The following ABCC1 variants were observed in gnomAD, a reference collection of about 807,000 sequenced individuals.
ABCC1 encodes multidrug resistance-associated protein 1.
ABCC1 carries 83 observed loss-of-function variants against 172.9 expected under a neutral mutation model. The ratio of observed to expected loss-of-function variants is 0.48; its 90% confidence interval spans 0.40 to 0.58. The LOEUF (loss-of-function observed/expected upper bound fraction) is 0.58. Ranked by LOEUF, ABCC1 falls within the 20% of genes least tolerant of loss-of-function variation. ABCC1 has a pLI of 0.00. For synonymous variants in ABCC1, 937 were observed against 825.2 expected (o/e 1.14, Z -2.32); for missense variants, 1,817 against 2,002.7 (o/e 0.91, Z 1.77).
chr16:16,133,080 A>G (rs1394480589), intron 27 of ABCC1, among the ~76,000 whole-genome samples: 2 of 151,940 alleles, frequency 1.3e-5, no homozygotes, highest in African/African-American at 4.8e-5. Context: ...TTCTAGGGGG[A>G]TGGCTCAAGG....
chr16:16,063,093 TTATTTATA>T (rs1385436823), intron 12 of ABCC1, among the ~76,000 whole-genome samples: 1 of 152,138 alleles, frequency 6.6e-6, no homozygotes, highest in African/African-American at 2.4e-5. Context: ...GTCATTTTAT[TTATTTATA>T]TATTTATACA....
intron 5 of ABCC1, among the ~76,000 whole-genome samples, chr16:16,022,324 C>A (rs149204797): frequency 0.013 from 2,047 of 152,222 alleles, 20 homozygotes; most frequent in Non-Finnish European, 0.021. Context: ...CCTTCTGGCT[C>A]TGGGGCTGCC....
intron 9 of ABCC1, among the ~76,000 whole-genome samples, 182 bp downstream of exon 9, chr16:16,046,195 T>C (rs1374068745): frequency 6.6e-6 from 1 of 152,182 alleles, no homozygotes; most frequent in Non-Finnish European, 1.5e-5. Context: ...TTAGGAAAGC[T>C]GATTTCAAGG....
chr16:15,989,476 T>C (rs926877513), intron 1 of ABCC1, among the ~76,000 whole-genome samples: 7 of 152,134 alleles, frequency 4.6e-5, no homozygotes, highest in Admixed American at 3.3e-4. Context: ...CTAAACAGGA[T>C]TAATGTTCAG....
chr16:15,988,996 G>T (rs888707329), intron 1 of ABCC1, among the ~76,000 whole-genome samples: 1 of 148,822 alleles, frequency 6.7e-6, no homozygotes, highest in African/African-American at 2.5e-5. Context: ...TTGAGCCTGG[G>T]AGTTCAAAGC....
intron 1 of ABCC1, among the ~76,000 whole-genome samples, chr16:15,953,068 G>T (rs912377201): frequency 6.6e-6 from 1 of 151,814 alleles, no homozygotes; most frequent in African/African-American, 2.4e-5. Flanking sequence ...GGGTGTAGTA[G>T]ATCATGCCTG....
chr16:16,113,697 A>G (rs892254575), intron 22 of ABCC1, among the ~76,000 whole-genome samples: 1 of 152,156 alleles, frequency 6.6e-6, no homozygotes, highest in Non-Finnish European at 1.5e-5. Context: ...CGATTAGACT[A>G]GACACGTTTC....
chr16:16,031,037 C>G (rs1022953299), intron 5 of ABCC1, among the ~76,000 whole-genome samples: 11 of 151,948 alleles, frequency 7.2e-5, no homozygotes, highest in African/African-American at 2.7e-4. Flanking sequence ...TTGGTAGAGA[C>G]GAGGTTTCAT....
Position 16,124,662 on chromosome 16 carries a change from TC to T in ABCC1, c.3591-126del, listed in dbSNP as rs1165341834. On this transcript the variant is annotated intron_variant, in intron 24 of 30. Coordinates refer to ENST00000399410, the MANE Select transcript of ABCC1 (RefSeq NM_004996.4). ...TTGAAAAAGCAGTGCCAGGAAGGAC[TC>T]TCTCTGGAATTACTGCGGAGTTACT... 6 of 1,361,844 alleles carry T rather than the reference TC, an allele frequency of 4.4e-6. No homozygotes were observed. In the South Asian group the frequency reaches 7.9e-5, roughly 18 times the overall value. 84.4% of individuals were successfully genotyped at this position (1,361,844 alleles called of 1,614,324 possible).
chr16:16,063,445 G>A (rs555784566), intron 12 of ABCC1, among the ~76,000 whole-genome samples: 2 of 152,250 alleles, frequency 1.3e-5, no homozygotes, highest in African/African-American at 4.8e-5. Flanking sequence ...GCAAAGCATA[G>A]GGACCTTGGC....
chr16:16,018,142 T>C (rs2048070311), intron 5 of ABCC1, among the ~76,000 whole-genome samples: 2 of 152,172 alleles, frequency 1.3e-5, no homozygotes. Context: ...GTGGTTCTGT[T>C]GGGTTTGGCC....
chr16:15,951,419 T>C (rs548011963), intron 1 of ABCC1, among the ~76,000 whole-genome samples: 3 of 152,176 alleles, frequency 2.0e-5, no homozygotes, highest in African/African-American at 7.2e-5. Flanking sequence ...TTTTTCTTTT[T>C]ATTTTTTCCT....
intron 21 of ABCC1, among the ~76,000 whole-genome samples, chr16:16,107,867 A>G (rs1472418124): frequency 1.3e-5 from 2 of 151,488 alleles, no homozygotes; most frequent in African/African-American, 4.8e-5. Context: ...TAGGTAAAAA[A>G]TAAGCATGCA....
chr16:16,112,717 A>G (rs183851275), intron 22 of ABCC1, among the ~76,000 whole-genome samples: 4 of 152,344 alleles, frequency 2.6e-5, no homozygotes, highest in Admixed American at 2.6e-4. Context: ...TATGTGAGCC[A>G]TGTTTGCAAA....
intron 19 of ABCC1, among the ~76,000 whole-genome samples, chr16:16,100,427 C>T (rs1235433041): frequency 6.6e-6 from 1 of 152,156 alleles, no homozygotes; most frequent in Admixed American, 6.5e-5. Context: ...CTGGAACATT[C>T]TCATCCCTGC....
intron 27 of ABCC1, among the ~76,000 whole-genome samples, chr16:16,132,507 G>GTTTTTTTTT (rs1379143382): frequency 1.3e-5 from 1 of 75,064 alleles, no homozygotes; most frequent in African/African-American, 5.5e-5. Context: ...TTTTTGGTTG[G>GTTTTTTTTT]TTGTTTTTTT....
At chr16:16,137,275 C>G (rs2045949734) in intron 29 of ABCC1, among the ~76,000 whole-genome samples, 1 of 152,164 alleles carries the variant, frequency 6.6e-6, no homozygotes, top group Non-Finnish European at 1.5e-5. Flanking sequence ...TGGCTGTTGG[C>G]TGATCTCGGG....
chr16:15,976,286 C>T (rs2046490387), intron 1 of ABCC1, among the ~76,000 whole-genome samples: 1 of 152,110 alleles, frequency 6.6e-6, no homozygotes, highest in African/African-American at 2.4e-5. Context: ...AAAAACTCAA[C>T]AGAGAAAAGG....
intron 7 of ABCC1, among the ~76,000 whole-genome samples, chr16:16,043,222 GTTTTTTTTTT>G (rs147161637): frequency 1.1e-5 from 1 of 89,506 alleles, no homozygotes; most frequent in Non-Finnish European, 2.1e-5. Flanking sequence ...TGGCTGGACT[GTTTTTTTTTT>G]TTTTTTTTTT....
Sources: gnomAD v4.1 joint callset for allele counts (sites outside exome capture counted in the v4.1 genomes callset) on GRCh38, gnomAD v4.1.1 for gene constraint, MANE v1.5 for transcripts, NCBI Gene and HGNC (gene_info 2026-07-23, HGNC 2026-07-21) for gene names.